BMP2K: variants seen among roughly 807,000 people sequenced by gnomAD.
BMP2K encodes the protein BMP-2-inducible protein kinase.
Under a neutral mutation model 116.0 loss-of-function variants are expected in BMP2K, and 74 were observed. That is an observed-to-expected ratio of 0.64 (90% CI 0.53 to 0.77). The LOEUF (loss-of-function observed/expected upper bound fraction) is 0.77. Ranked by LOEUF, BMP2K falls within the 30% of genes least tolerant of loss-of-function variation. The probability of loss-of-function intolerance (pLI) is 0.00; values close to 1 mark genes in which losing one functional copy is unlikely to be tolerated. For missense variants in BMP2K, 1,365 were observed against 1,403.6 expected, an observed-to-expected ratio of 0.97 and a Z score of 0.44; for synonymous variants, 486 against 502.5, an observed-to-expected ratio of 0.97 and a Z score of 0.44.
intron 14 of BMP2K, among the ~76,000 whole-genome samples, chr4:78,886,025 G>A (rs139109284): frequency 3.3e-5 from 5 of 152,138 alleles, no homozygotes; most frequent in African/African-American, 1.2e-4. Flanking sequence ...TGTAAAGATC[G>A]GGAGAGATTC....
intron 13 of BMP2K, 31 bp from the exon 14 acceptor site, chr4:78,878,703 C>G (rs751297893): frequency 1.5e-5 from 22 of 1,514,754 alleles, no homozygotes; most frequent in Non-Finnish European, 2.0e-5. Context: ...TTCTTTCCAT[C>G]TTCTTTTTTC....
chr4:78,842,434 A>G lies in BMP2K; in HGVS notation c.453A>G (p.Thr151=). 7 of 1,607,840 alleles carry G rather than the reference A, an allele frequency of 4.4e-6. No homozygotes were observed. Among genetic ancestry groups the G allele is most frequent in the Non-Finnish European group, 5.1e-6 (6 of 1,175,582 alleles). ...ATAAGAAGCTACAGACGGGTTTTAC[A>G]GAACCAGAAGTGTTACAGATATTCT... ...QMNKKLQTGF[T]EPEVLQIFCD... is the part of the protein sequence containing the mutation. The change falls in exon 4 of 16, where the codon ACA becomes ACG. Residue 151 remains threonine, a synonymous_variant. Coordinates refer to ENST00000502613, the MANE Select transcript of BMP2K (RefSeq NM_198892.2).
intron 6 of BMP2K, among the ~76,000 whole-genome samples, chr4:78,848,116 G>T (rs900303293): frequency 4.0e-5 from 6 of 151,040 alleles, no homozygotes; most frequent in African/African-American, 1.5e-4. Context: ...TTTAGGGTTG[G>T]GGTACCAAAG....
intron 15 of BMP2K, among the ~76,000 whole-genome samples, chr4:78,909,055 C>CTTTTTTTTTTT (rs1053664659): frequency 4.2e-5 from 4 of 94,408 alleles, no homozygotes; most frequent in Non-Finnish European, 5.9e-5. Flanking sequence ...TTCCCTTAGT[C>CTTTTTTTTTTT]TTTTTTTTTT....
rs2110115951 is a variant in BMP2K, at chr4:78,914,046, C to T, written c.*2013C>T. ...TGATTACACATAGTAAATTCATGAACTACAGTAGGTTTGTATCAAACAATT... is the reference window on the plus strand; with the variant it reads ...TGATTACACATAGTAAATTCATGAATTACAGTAGGTTTGTATCAAACAATT... On this transcript the variant is annotated 3_prime_UTR_variant, in exon 16 of 16. Coordinates refer to ENST00000502613, the MANE Select transcript of BMP2K (RefSeq NM_198892.2). 6.6e-6 allele frequency: 1 copy of T among 151,842 alleles called. No individual in the cohort carries two copies. Among genetic ancestry groups the T allele is most frequent in the South Asian group, 2.1e-4 (1 of 4,792 alleles). The allele number at this position is 151,842 out of a possible 1,614,324, so 9.4% of individuals were successfully genotyped here.
At position 78,882,673 on chromosome 4, in the gene BMP2K, ATTAC is replaced by A. The variant is rs1431163489; in HGVS notation, c.1951+3785_1951+3788del. ...ATAGTTATACTCGTTAATTAAAACT[ATTAC>A]TTCATGAAATATATTTCATTTATTG... On this transcript the variant is annotated intron_variant, in intron 14 of 15. Coordinates refer to ENST00000502613, the MANE Select transcript of BMP2K (RefSeq NM_198892.2). Among the ~76,000 whole-genome samples the A allele has an allele frequency of 1.6e-4, 24 of 151,820 alleles. No homozygotes were observed. The East Asian group carries it at 2.5e-3, about 16-fold the overall frequency.
chr4:78,815,482 T>C (rs1401286865), intron 1 of BMP2K, among the ~76,000 whole-genome samples: 2 of 152,142 alleles, frequency 1.3e-5, no homozygotes, highest in Non-Finnish European at 2.9e-5. Flanking sequence ...AATTAATTGG[T>C]AAATTTGAAG....
chr4:78,823,775 A>G (rs780828240), intron 1 of BMP2K, among the ~76,000 whole-genome samples: 6 of 151,974 alleles, frequency 3.9e-5, no homozygotes, highest in Non-Finnish European at 7.4e-5. Context: ...ATGCAAAGCT[A>G]TGTTTGGGAA....
At chr4:78,817,856 A>G (rs776644987) in intron 1 of BMP2K, among the ~76,000 whole-genome samples, 10 of 152,196 alleles carry the variant, frequency 6.6e-5, no homozygotes, top group African/African-American at 2.4e-5. Flanking sequence ...ACCTCTTAGC[A>G]TAATAAAGAA....
intron 1 of BMP2K, among the ~76,000 whole-genome samples, chr4:78,823,292 G>A (rs2109993882): frequency 1.3e-5 from 2 of 151,954 alleles, no homozygotes; most frequent in South Asian, 4.1e-4. Context: ...CTGTGGGTGA[G>A]TAAGAATAGG....
intron 1 of BMP2K, among the ~76,000 whole-genome samples, chr4:78,803,314 C>T (rs774728648): frequency 2.6e-5 from 4 of 152,116 alleles, no homozygotes; most frequent in East Asian, 1.9e-4. Context: ...AAAGCTCTCA[C>T]GTGTCTTCTA....
In BMP2K at chr4:78,839,575, TAGTC is replaced by T. The variant is rs750230806; in HGVS notation, c.404-2807_404-2804del. On this transcript the variant is annotated intron_variant, in intron 3 of 15. Transcript: ENST00000502613. ...ATAAAATTGAAAAATCTTGTTGTAT[TAGTC>T]AGGGTTTTCTAGAGGGACAGAACTA... Among the ~76,000 whole-genome samples the T allele has an allele frequency of 1.1e-4, 17 of 152,294 alleles. No individual in the cohort carries two copies. The East Asian group carries it at 1.9e-3, about 17-fold the overall frequency.
Position 78,911,631 on chromosome 4 carries a change from C to T in BMP2K, c.3084C>T (p.Asp1028=), listed in dbSNP as rs1374808241. The change falls in exon 16 of 16, where the codon GAC becomes GAT. Residue 1028 remains aspartate, a synonymous_variant. Transcript: ENST00000502613. ...GGCACAAAAAAGTGGGCCGCCGAGACTCTCAAAGTAGCAATGAATTTTTAA... is the reference window on the plus strand; with the variant it reads ...GGCACAAAAAAGTGGGCCGCCGAGATTCTCAAAGTAGCAATGAATTTTTAA... ...ARRHKKVGRR[D]SQSSNEFLTI... The T allele has an allele frequency of 1.9e-6, 3 of 1,614,026 alleles. No individual in the cohort carries two copies. Among genetic ancestry groups the T allele is most frequent in the Non-Finnish European group, 2.5e-6 (3 of 1,179,898 alleles).
At chr4:78,826,867 T>C (rs528062444) in intron 2 of BMP2K, among the ~76,000 whole-genome samples, 1 of 152,328 alleles carries the variant, frequency 6.6e-6, no homozygotes, top group East Asian at 1.9e-4. Flanking sequence ...TTGTTCATCA[T>C]CCAGCTTAAG....
chr4:78,839,253 G>T (rs539092256), intron 3 of BMP2K, among the ~76,000 whole-genome samples: 2 of 152,172 alleles, frequency 1.3e-5, no homozygotes, highest in Non-Finnish European at 2.9e-5. Flanking sequence ...TCACGTGTCC[G>T]TCATCCTCTT....
intron 14 of BMP2K, among the ~76,000 whole-genome samples, chr4:78,881,867 A>C (rs908808067): frequency 6.6e-6 from 1 of 152,064 alleles, no homozygotes; most frequent in African/African-American, 2.4e-5. Flanking sequence ...AAAATGAATA[A>C]ATAAACTGTT....
At chr4:78,863,756 G>T (rs531206573) in intron 9 of BMP2K, among the ~76,000 whole-genome samples, 18 of 152,196 alleles carry the variant, frequency 1.2e-4, no homozygotes, top group Admixed American at 1.2e-3. Flanking sequence ...TGCCTAATCT[G>T]CCCAGGCATT....
At chr4:78,896,541 A>T (rs1733711708) in intron 15 of BMP2K, among the ~76,000 whole-genome samples, 1 of 152,188 alleles carries the variant, frequency 6.6e-6, no homozygotes, top group South Asian at 2.1e-4. Flanking sequence ...AATATATGTG[A>T]AGCACAAAAA....
At chr4:78,852,493 AT>A (rs1172033165) in intron 7 of BMP2K, among the ~76,000 whole-genome samples, 1 of 152,202 alleles carries the variant, frequency 6.6e-6, no homozygotes, top group Non-Finnish European at 1.5e-5. Flanking sequence ...CTTTTAAAGT[AT>A]TGTATTGAGT....
Sources: gnomAD v4.1 joint callset for allele counts (sites outside exome capture counted in the v4.1 genomes callset) on GRCh38, gnomAD v4.1.1 for gene constraint, MANE v1.5 for transcripts, NCBI Gene and HGNC (gene_info 2026-07-23, HGNC 2026-07-21) for gene names.